The following GTPBP4 variants were observed in gnomAD, a reference collection of about 807,000 sequenced individuals.
GTPBP4 encodes the protein GTP-binding protein 4.
GTPBP4 carries 15 observed loss-of-function variants against 81.7 expected under a neutral mutation model. The ratio of observed to expected loss-of-function variants is 0.18; its 90% CI spans 0.12 to 0.28. GTPBP4 has a LOEUF of 0.28. GTPBP4 is among the 10% of genes least tolerant of loss of function. The pLI is 1.00. For missense variants in GTPBP4, 847 were observed against 793.8 expected, an observed-to-expected ratio of 1.07 and a Z score of -0.81; for synonymous variants, 272 against 274.6, an observed-to-expected ratio of 0.99 and a Z score of 0.09.
In GTPBP4 at chr10:1,019,411, A is replaced by C; in HGVS notation, c.*2184A>C. 1 of 756,574 alleles carries C rather than the reference A, an allele frequency of 1.3e-6. No individual in the cohort carries two copies. The highest frequency in any genetic ancestry group is 2.1e-6 in the Non-Finnish European group (1 of 472,458). The allele number at this position is 756,574 out of a possible 1,614,324, so 46.9% of individuals were successfully genotyped here. On this transcript the variant is annotated 3_prime_UTR_variant, in exon 17 of 17. Transcript: ENST00000360803. ...AGTGATTTATACATGATGGGCAATC[A>C]AGTGCCCCTTTTGCCCTGTTTTTTG...
At chr10:1,012,809 G>A (rs889803446) in intron 14 of GTPBP4, 147 bp downstream of exon 14, 6 of 619,482 alleles carry the variant, frequency 9.7e-6, no homozygotes, top group Non-Finnish European at 1.2e-5. Context: ...TTGCAAGATC[G>A]CTCACGTATT....
At position 999,113 on chromosome 10, in the gene GTPBP4, A is replaced by G. The variant is rs1221102727; in HGVS notation, c.654+18A>G. On this transcript the variant is annotated intron_variant, in intron 6 of 16. Coordinates refer to ENST00000360803, the MANE Select transcript of GTPBP4 (RefSeq NM_012341.3). Reference sequence around the variant, plus strand: ...GTTGGCAGGTGAGAGTCTTGTCTTTATTTTTATTCATTTATTTATTTTGAG... The same window carrying G: ...GTTGGCAGGTGAGAGTCTTGTCTTTGTTTTTATTCATTTATTTATTTTGAG... 2 of 1,288,348 alleles carry G rather than the reference A, an allele frequency of 1.6e-6. No individual in the cohort carries two copies. Among genetic ancestry groups the G allele is most frequent in the Admixed American group, 3.4e-5 (2 of 59,382 alleles). 79.8% of individuals were successfully genotyped at this position (1,288,348 alleles called of 1,614,324 possible).
intron 16 of GTPBP4, 49 bp downstream of exon 16, chr10:1,015,945 T>C (rs1366052902): frequency 2.1e-5 from 32 of 1,522,174 alleles, no homozygotes; most frequent in Non-Finnish European, 2.3e-5. Flanking sequence ...CTCTGTTGTT[T>C]ATTGCACAGG....
intron 14 of GTPBP4, 112 bp downstream of exon 14, chr10:1,012,774 A>G (rs1831902306): frequency 2.9e-6 from 2 of 690,620 alleles, no homozygotes. Context: ...AAGATTGCAC[A>G]TTCTTGTTTT....
At chr10:989,394 C>T (rs937657928) in intron 1 of GTPBP4, among the ~76,000 whole-genome samples, 1 of 152,136 alleles carries the variant, frequency 6.6e-6, no homozygotes, top group Non-Finnish European at 1.5e-5. Flanking sequence ...GAATTACAGG[C>T]GTGAGCCACT....
rs374025490 is a variant in GTPBP4 at position 1,009,044 on chromosome 10, C to T, written c.1191+9C>T. 5.3e-4 allele frequency: 853 copies of T among 1,594,592 alleles called. 14 individuals carry two copies. In the South Asian group the frequency reaches 8.7e-3, roughly 16 times the overall value. ...AGTCCAGGAAGAAGAGGGTATGCTG[C>T]CGAAGCTCTCGCCCAGTGTTCTCAT... On this transcript the variant is annotated intron_variant, in intron 11 of 16. Transcript: ENST00000360803.
At chr10:988,624 T>G in intron 1 of GTPBP4, 97 bp downstream of exon 1, 1 of 909,010 alleles carries the variant, frequency 1.1e-6, no homozygotes, top group Non-Finnish European at 1.8e-6. Flanking sequence ...AGCGGTCGCC[T>G]TCCGCTCGCC....
Position 1,019,563 on chromosome 10 carries a change from T to C in GTPBP4, c.*2336T>C. On this transcript the variant is annotated 3_prime_UTR_variant, in exon 17 of 17. Coordinates refer to ENST00000360803, the MANE Select transcript of GTPBP4 (RefSeq NM_012341.3). ...AAGCTCCACAAACGGGGTCACGTCA[T>C]CCAGGTGAGGCCACCACCGGTACAG... 1.2e-6 allele frequency: 2 copies of C among 1,613,940 alleles called. No individual in the cohort carries two copies. The highest frequency in any genetic ancestry group is 1.7e-6 in the Non-Finnish European group (2 of 1,179,958).
At chr10:1,017,001 C>T (rs1832005110) in intron 16 of GTPBP4, 74 bp from the exon 17 acceptor site, 1 of 1,209,406 alleles carries the variant, frequency 8.3e-7, no homozygotes, top group South Asian at 1.4e-5. Context: ...AGATTGTTAC[C>T]CAGTAGTTGA....
At chr10:1,012,406 C>T in intron 13 of GTPBP4, 59 bp from the exon 14 acceptor site, 1 of 1,191,290 alleles carries the variant, frequency 8.4e-7, no homozygotes, top group Non-Finnish European at 1.2e-6. Flanking sequence ...CTGCCACACT[C>T]ACTGACTCAG....
At chr10:992,774 G>T in intron 2 of GTPBP4, 115 bp downstream of exon 2, 1 of 624,764 alleles carries the variant, frequency 1.6e-6, no homozygotes, top group East Asian at 2.9e-5. Context: ...ATTGACTTAG[G>T]TTACTCAGTA....
intron 15 of GTPBP4, among the ~76,000 whole-genome samples, chr10:1,015,158 C>G (rs562274694): frequency 6.6e-6 from 1 of 152,318 alleles, no homozygotes; most frequent in African/African-American, 2.4e-5. Flanking sequence ...AGCTTTCTTA[C>G]GTAAAGCAGC....
intron 2 of GTPBP4, among the ~76,000 whole-genome samples, chr10:993,831 C>T (rs1589022781): frequency 6.6e-6 from 1 of 151,762 alleles, no homozygotes. Context: ...ACAATCTCAG[C>T]TCCCTGCAAC....
In GTPBP4 at chr10:995,931, T is replaced by C; in HGVS notation, c.222T>C (p.Asp74=). ...TGGTGTGCTTTTGTTTGTTACAGGATATTCATCCGTTCTATGCTGATTTGA... is the reference window on the plus strand; with the variant it reads ...TGGTGTGCTTTTGTTTGTTACAGGACATTCATCCGTTCTATGCTGATTTGA... ...QILTDFPKLD[D]IHPFYADLMN... Residue 74 remains aspartate (D), a splice_region_variant and synonymous_variant, in exon 3 of 17, where the codon GAT becomes GAC. Transcript: ENST00000360803. The C allele has an allele frequency of 6.3e-7, 1 of 1,580,062 alleles. No individual in the cohort carries two copies. Among genetic ancestry groups the C allele is most frequent in the Non-Finnish European group, 8.7e-7 (1 of 1,149,610 alleles).
chr10:1,002,306 C>T (rs1260663118), intron 8 of GTPBP4, among the ~76,000 whole-genome samples: 3 of 152,154 alleles, frequency 2.0e-5, no homozygotes, highest in Admixed American at 6.5e-5. Flanking sequence ...TTGATGTCCC[C>T]AAATATTATT....
intron 9 of GTPBP4, among the ~76,000 whole-genome samples, chr10:1,006,584 G>A (rs1048849101): frequency 1.3e-5 from 2 of 152,176 alleles, no homozygotes; most frequent in Non-Finnish European, 2.9e-5. Context: ...GTTGCTGTGA[G>A]CTGAGATCAT....
chr10:1,012,021 G>C (rs771258415), intron 13 of GTPBP4, among the ~76,000 whole-genome samples: 1 of 152,152 alleles, frequency 6.6e-6, no homozygotes, highest in Admixed American at 6.5e-5. Flanking sequence ...GGTGATAAAC[G>C]TGTGTGTTTT....
At chr10:1,006,033 G>A (rs940276551) in intron 9 of GTPBP4, 126 bp downstream of exon 9, 8 of 607,106 alleles carry the variant, frequency 1.3e-5, no homozygotes, top group Non-Finnish European at 2.3e-5. Flanking sequence ...CAGTAGCGAG[G>A]CGGGTGGCGT....
chr10:1,009,203 C>G (rs1257548929), intron 11 of GTPBP4, among the ~76,000 whole-genome samples, 168 bp downstream of exon 11: 1 of 152,182 alleles, frequency 6.6e-6, no homozygotes, highest in Non-Finnish European at 1.5e-5. Context: ...TCTCATGGGG[C>G]TCTTTGGCCT....
Sources: gnomAD v4.1 joint callset for allele counts (sites outside exome capture counted in the v4.1 genomes callset) on GRCh38, gnomAD v4.1.1 for gene constraint, MANE v1.5 for transcripts, NCBI Gene and HGNC (gene_info 2026-07-23, HGNC 2026-07-21) for gene names.